ZNF280C: variants seen among roughly 807,000 people sequenced by gnomAD.
ZNF280C encodes the protein suppressor of hairy wing homolog 3.
In ZNF280C, 14 loss-of-function variants were observed where a neutral mutation model predicts 53.6. That is an observed-to-expected ratio of 0.26 (90% CI 0.17 to 0.41). The LOEUF is 0.41. Among genes scored for constraint, ZNF280C ranks in the 10% least tolerant of loss-of-function variants. ZNF280C has a pLI of 1.00. For missense variants in ZNF280C, 416 were observed against 547.1 expected (o/e 0.76, Z 2.39); for synonymous variants, 203 against 181.1 (o/e 1.12, Z -0.97).
At chrX:130,251,282 C>CAAAAAAAAAAAAAAAAAAAAAAA (rs61571389) in intron 2 of ZNF280C, among the ~76,000 whole-genome samples, 1 of 15,337 alleles carries the variant, frequency 6.5e-5, no homozygotes, top group Non-Finnish European at 9.9e-5. Context: ...GGACCTGTCT[C>CAAAAAAAAAAAAAAAAAAAAAAA]AAAAAAAAAA....
rs1435065905 is a variant in ZNF280C at position 130,204,040 on chromosome X, T to A, written c.*937A>T. ...CTAGAATACTGGATAAAACTTTAAATAACATGAACAACTGTGTCTTTGGGA... is the reference window on the plus strand; with the variant it reads ...CTAGAATACTGGATAAAACTTTAAAAAACATGAACAACTGTGTCTTTGGGA... On this transcript the variant is annotated 3_prime_UTR_variant, in exon 19 of 19. Transcript: ENST00000370978. The A allele has an allele frequency of 9.0e-6, 1 of 111,644 alleles. No homozygotes were observed. Among genetic ancestry groups the A allele is most frequent in the East Asian group, 2.8e-4 (1 of 3,585 alleles). The allele number at this position is 111,644 out of a possible 1,213,427, so 9.2% of individuals were successfully genotyped here.
chrX:130,205,190 T>C, intron 17 of ZNF280C, 37 bp from the exon 18 acceptor site: 2 of 1,156,559 alleles, frequency 1.7e-6, no homozygotes, highest in Non-Finnish European at 2.4e-6. Context: ...CAATAGCATA[T>C]ATGAAGAGTG....
chrX:130,216,351 T>A (rs895009092), intron 13 of ZNF280C, among the ~76,000 whole-genome samples: 2 of 111,587 alleles, frequency 1.8e-5, no homozygotes, highest in African/African-American at 6.5e-5. Flanking sequence ...AAGACCAAAT[T>A]CTAAAAGGTA....
At chrX:130,268,521 CG>C (rs1043954944) in intron 1 of ZNF280C, among the ~76,000 whole-genome samples, 2 of 111,935 alleles carry the variant, frequency 1.8e-5, no homozygotes, top group African/African-American at 3.2e-5. Context: ...CTGCCCGCCG[CG>C]GGCCGCCAGG....
chrX:130,236,317 G>A lies in ZNF280C; in HGVS notation c.668C>T (p.Thr223Ile). The change falls in exon 8 of 19, where the codon ACA becomes ATA. Residue 223 changes from threonine (T) to isoleucine (I), a missense_variant. Physicochemically the swap from Thr to Ile is moderately conservative, Grantham distance 89. Transcript: ENST00000370978. ...AGCATCATATGGAGATGAGGTATTT[G>A]TACCTACAATAAATTAAGAACTTTT... ...TSSQVMLSKG[T>I]NTSSPYDAGA... 1 of 1,186,616 alleles carries A rather than the reference G, an allele frequency of 8.4e-7. No homozygotes were observed. Among genetic ancestry groups the A allele is most frequent in the Non-Finnish European group, 1.1e-6 (1 of 879,704 alleles).
In ZNF280C at chrX:130,217,230, T is replaced by C. The variant is rs764766109; in HGVS notation, c.1528-1129A>G. 9.0e-5 allele frequency among the ~76,000 whole-genome samples: 10 copies of C among 111,565 alleles called. No homozygotes were observed. The East Asian group carries it at 2.5e-3, about 28-fold the overall frequency. On this transcript the variant is annotated intron_variant, in intron 13 of 18. Transcript: ENST00000370978. ...CACCAATAGATGAAAGGATAAAATG[T>C]AGAATATCTATACAGTGGAGTATTA...
intron 3 of ZNF280C, 134 bp downstream of exon 3, chrX:130,246,725 T>G: frequency 1.3e-6 from 1 of 746,811 alleles, no homozygotes; most frequent in Non-Finnish European, 1.9e-6. Context: ...CACAAGTTCT[T>G]ACTGACCTTT....
chrX:130,262,915 G>A lies in ZNF280C; in HGVS notation c.-16-2450C>T, dbSNP rs1385045158. Among the ~76,000 whole-genome samples the A allele has an allele frequency of 3.6e-5, 4 of 112,086 alleles. No homozygotes were observed. In the Admixed American group the frequency reaches 3.8e-4, roughly 11 times the overall value. Reference sequence around the variant, plus strand: ...TAAAATTCAACTATGTTTTACAAGAGTTTATTCTACAAAAAGTTAAAAATA... The same window carrying A: ...TAAAATTCAACTATGTTTTACAAGAATTTATTCTACAAAAAGTTAAAAATA... On this transcript the variant is annotated intron_variant, in intron 1 of 18. Coordinates refer to ENST00000370978, the MANE Select transcript of ZNF280C (RefSeq NM_017666.5).
chrX:130,224,797 A>C (rs1459867754), intron 12 of ZNF280C, among the ~76,000 whole-genome samples: 4 of 110,153 alleles, frequency 3.6e-5, no homozygotes, highest in Admixed American at 9.7e-5. Flanking sequence ...TTTTCAGACG[A>C]CTCCTCCCAC....
intron 8 of ZNF280C, among the ~76,000 whole-genome samples, chrX:130,234,932 T>C (rs1347466441): frequency 9.0e-6 from 1 of 111,650 alleles, no homozygotes; most frequent in Non-Finnish European, 1.9e-5. Flanking sequence ...TCATATGAAA[T>C]GCTCCATCAT....
chrX:130,268,300 G>C (rs2032711763), intron 1 of ZNF280C, among the ~76,000 whole-genome samples: 1 of 111,418 alleles, frequency 9.0e-6, no homozygotes, highest in Admixed American at 9.4e-5. Flanking sequence ...CAGGGTCTCT[G>C]ATGCCTGAAA....
In ZNF280C at chrX:130,228,880, ACTT is replaced by A. The variant is rs1205735257; in HGVS notation, c.1147+94_1147+96del. On this transcript the variant is annotated intron_variant, in intron 10 of 18. Transcript: ENST00000370978. ...ATTTTGCCCTCATATTACAAAGTCT[ACTT>A]CTTATTTTTTTCTGCCAGAATTTTT... 2.0e-5 allele frequency: 17 copies of A among 853,376 alleles called. No individual in the cohort carries two copies. The South Asian group carries it at 5.4e-4, about 27-fold the overall frequency. The allele number at this position is 853,376 out of a possible 1,213,427, so 70.3% of individuals were successfully genotyped here.
chrX:130,204,816 G>A lies in ZNF280C; in HGVS notation c.*161C>T, dbSNP rs1474143013. On this transcript the variant is annotated 3_prime_UTR_variant, in exon 19 of 19. Transcript: ENST00000370978. ...CGCAAAGATAAGGTGGAATAACAATGTAGTGGCATCTGAAAGCTGAAAAGA... is the reference window on the plus strand; with the variant it reads ...CGCAAAGATAAGGTGGAATAACAATATAGTGGCATCTGAAAGCTGAAAAGA... The A allele has an allele frequency of 5.2e-6, 2 of 386,915 alleles. No individual in the cohort carries two copies. Among genetic ancestry groups the A allele is most frequent in the East Asian group, 4.2e-5 (1 of 24,051 alleles). 31.9% of individuals were successfully genotyped at this position (386,915 alleles called of 1,213,427 possible).
chrX:130,267,507 G>A (rs1419170542), intron 1 of ZNF280C, among the ~76,000 whole-genome samples: 2 of 111,425 alleles, frequency 1.8e-5, no homozygotes, highest in African/African-American at 6.5e-5. Flanking sequence ...TTCTGTCCTT[G>A]AGGCTGTTTC....
chrX:130,206,156 A>T (rs2031971116), intron 16 of ZNF280C, among the ~76,000 whole-genome samples: 1 of 111,164 alleles, frequency 9.0e-6, no homozygotes, highest in African/African-American at 3.3e-5. Flanking sequence ...ACAGTAAACA[A>T]AAAAGGTACA....
chrX:130,263,231 T>C (rs1332476038), intron 1 of ZNF280C, among the ~76,000 whole-genome samples: 1 of 112,382 alleles, frequency 8.9e-6, no homozygotes, highest in Non-Finnish European at 1.9e-5. Flanking sequence ...TGAAAACATA[T>C]GTCCACACAA....
chrX:130,263,980 G>T (rs1489173397), intron 1 of ZNF280C, among the ~76,000 whole-genome samples: 1 of 97,272 alleles, frequency 1.0e-5, no homozygotes, highest in Admixed American at 1.2e-4. Context: ...AGCCGAGATT[G>T]CACCACTGCA....
intron 14 of ZNF280C, 94 bp from the exon 15 acceptor site, chrX:130,215,427 G>T (rs2124698553): frequency 2.3e-6 from 2 of 852,831 alleles, no homozygotes; most frequent in African/African-American, 2.1e-5. Context: ...AAGCCAAAAT[G>T]TTTAAATTGG....
intron 8 of ZNF280C, 56 bp from the exon 9 acceptor site, chrX:130,230,783 C>A: frequency 7.5e-6 from 6 of 799,414 alleles, no homozygotes; most frequent in Admixed American, 5.9e-5. Flanking sequence ...GATTAGATAC[C>A]AAAAAATGAT....
Sources: allele counts gnomAD v4.1 joint callset (sites outside exome capture counted in the v4.1 genomes callset), GRCh38; gene constraint gnomAD v4.1.1; transcripts MANE v1.5; gene names NCBI Gene and HGNC (gene_info 2026-07-23, HGNC 2026-07-21).